Variants in BMPR2 observed in about 807,000 individuals in gnomAD.
BMPR2 encodes the protein bone morphogenetic protein receptor type 2, also known as bone morphogenetic protein receptor type-2.
In BMPR2, 29 loss-of-function variants were observed where a neutral mutation model predicts 100.8. The observed-to-expected ratio is 0.29, with a 90% CI of 0.21 to 0.39. The LOEUF is 0.39. Ranked by LOEUF, BMPR2 falls within the 10% of genes least tolerant of loss-of-function variation. The pLI is 1.00. For synonymous variants in BMPR2, 382 were observed against 442.3 expected (o/e 0.86, Z 1.71); for missense variants, 1,011 against 1,274.5 (o/e 0.79, Z 3.15).
chr2:202,464,950 C>T lies in BMPR2; in HGVS notation c.218C>T (p.Ser73Leu), dbSNP rs137852742. ...ACCTGCTATGGCCTTTGGGAGAAATCAAAAGGGGACATAAATCTTGTAAAA... is the reference window on the plus strand; with the variant it reads ...ACCTGCTATGGCCTTTGGGAGAAATTAAAAGGGGACATAAATCTTGTAAAA... ...GSTCYGLWEKSKGDINLVKQG... is the reference protein window; with the variant it reads ...GSTCYGLWEKLKGDINLVKQG... Residue 73 changes from serine (S) to leucine (L), a missense_variant, in exon 2 of 13, where the codon TCA becomes TTA. By Grantham distance (145) the Ser-to-Leu change is moderately radical (BLOSUM62 -2). Around this residue, in one of 6 missense-constraint regions of BMPR2, gnomAD observed 355 missense variants for 455.3 expected, o/e 0.78. Coordinates refer to ENST00000374580, the MANE Select transcript of BMPR2 (RefSeq NM_001204.7). The T allele has an allele frequency of 6.2e-7, 1 of 1,613,892 alleles. No individual in the cohort carries two copies. Among genetic ancestry groups the T allele is most frequent in the Non-Finnish European group, 8.5e-7 (1 of 1,180,028 alleles).
rs113687955 is a variant in BMPR2, at chr2:202,484,381, G to GA, written c.418+16700dup. Among the ~76,000 whole-genome samples the GA allele has an allele frequency of 4.2e-3, 594 of 140,954 alleles. 5 individuals carry two copies. Among genetic ancestry groups the GA allele is most frequent in the African/African-American group, 0.013 (498 of 39,014 alleles). The allele number at this position is 140,954 out of a possible 152,430, so 92.5% of individuals were successfully genotyped here. Reference sequence around the variant, plus strand: ...CTCCCTTCCTTCTTTCCTTCCTTCCGAAAAAAAATAAGGCCGGGCGCGGTG... The same window carrying GA: ...CTCCCTTCCTTCTTTCCTTCCTTCCGAAAAAAAAATAAGGCCGGGCGCGGTG... On this transcript the variant is annotated intron_variant, in intron 3 of 12. Transcript: ENST00000374580.
At chr2:202,504,678 C>CT (rs144161668) in intron 3 of BMPR2, among the ~76,000 whole-genome samples, 1,672 of 112,422 alleles carry the variant, frequency 0.015, 31 homozygotes, top group Middle Eastern at 0.037. Flanking sequence ...ATAGTAGATT[C>CT]TTTTTTTTTT....
chr2:202,550,730 G>A (rs1188261824), intron 10 of BMPR2, among the ~76,000 whole-genome samples: 1 of 152,068 alleles, frequency 6.6e-6, no homozygotes, highest in African/African-American at 2.4e-5. Flanking sequence ...TTAGGTCCAG[G>A]AGTTCAAGGC....
At chr2:202,498,567 T>C (rs538253358) in intron 3 of BMPR2, among the ~76,000 whole-genome samples, 1 of 152,208 alleles carries the variant, frequency 6.6e-6, no homozygotes, top group South Asian at 2.1e-4. Context: ...CCAGGGACCG[T>C]TGCGAGTTCT....
chr2:202,412,876 G>A (rs1691041425), intron 1 of BMPR2, among the ~76,000 whole-genome samples: 1 of 152,110 alleles, frequency 6.6e-6, no homozygotes, highest in African/African-American at 2.4e-5. Flanking sequence ...ATTAAGGCAG[G>A]AAGAGGAGAA....
chr2:202,387,427 T>C (rs1383946631), intron 1 of BMPR2, among the ~76,000 whole-genome samples: 1 of 152,220 alleles, frequency 6.6e-6, no homozygotes, highest in African/African-American at 2.4e-5. Flanking sequence ...AGTGGGACAC[T>C]TGGGAATCAA....
In BMPR2 at chr2:202,559,704, T is replaced by G. The variant is rs1435626440; in HGVS notation, c.2875T>G (p.Ser959Ala). 2 of 1,614,012 alleles carry G rather than the reference T, an allele frequency of 1.2e-6. No individual in the cohort carries two copies. The highest frequency in any genetic ancestry group is 4.5e-5 in the East Asian group (2 of 44,878). The change falls in exon 13 of 13, where the codon TCA becomes GCA. Residue 959 changes from serine (S) to alanine (A), a missense_variant. Transcript: ENST00000374580. ...LDGSSIQIGE[S>A]TQDGKSGSGE... is the part of the protein sequence containing the mutation. The stretch of plus-strand genomic sequence containing the variant: ...TGCACTTTTATTTTCAGTAGGTGAG[T>G]CAACACAAGATGGCAAATCAGGATC...
intron 10 of BMPR2, among the ~76,000 whole-genome samples, chr2:202,547,577 G>A (rs1688397275): frequency 6.6e-6 from 1 of 151,902 alleles, no homozygotes; most frequent in African/African-American, 2.4e-5. Flanking sequence ...GACGTCAGGA[G>A]TTCGAGACCA....
At chr2:202,488,137 G>A (rs1353380439) in intron 3 of BMPR2, among the ~76,000 whole-genome samples, 1 of 152,074 alleles carries the variant, frequency 6.6e-6, no homozygotes, top group Admixed American at 6.5e-5. Flanking sequence ...TCAAATATTG[G>A]CAATAAAGAG....
intron 3 of BMPR2, among the ~76,000 whole-genome samples, chr2:202,497,256 G>A (rs559688138): frequency 4.6e-5 from 7 of 152,282 alleles, no homozygotes; most frequent in East Asian, 1.9e-4. Context: ...GCTCCACGGC[G>A]CCCAGTCCCA....
At chr2:202,424,207 C>G (rs1334362692) in intron 1 of BMPR2, among the ~76,000 whole-genome samples, 1 of 151,698 alleles carries the variant, frequency 6.6e-6, no homozygotes, top group African/African-American at 2.4e-5. Context: ...CACCCTGTCT[C>G]TAATGAAAAT....
At chr2:202,557,464 A>AACACAC (rs138065331) in intron 12 of BMPR2, among the ~76,000 whole-genome samples, 5,054 of 125,372 alleles carry the variant, frequency 0.04, 114 homozygotes, top group Non-Finnish European at 0.046. Flanking sequence ...CTCTGTCTCA[A>AACACAC]ACACACACAC....
At position 202,556,118 on chromosome 2, in the gene BMPR2, C is replaced by G. The variant is rs201938348; in HGVS notation, c.2453C>G (p.Ser818Cys). ...GCAGGTAGAAACCACAGTGTTAACTCCCATGCTGCCACAACCCAATATGCC... is the reference window on the plus strand; with the variant it reads ...GCAGGTAGAAACCACAGTGTTAACTGCCATGCTGCCACAACCCAATATGCC... ...GVAGRNHSVNSHAATTQYANG... is the reference protein window; with the variant it reads ...GVAGRNHSVNCHAATTQYANG... Residue 818 changes from serine (S) to cysteine (C), a missense_variant, in exon 12 of 13, where the codon TCC becomes TGC. Ser to Cys is a moderately radical substitution (Grantham distance 112). Transcript: ENST00000374580. 1 of 1,614,102 alleles carries G rather than the reference C, an allele frequency of 6.2e-7. No individual in the cohort carries two copies. Among genetic ancestry groups the G allele is most frequent in the Admixed American group, 1.7e-5 (1 of 60,022 alleles).
intron 3 of BMPR2, among the ~76,000 whole-genome samples, chr2:202,487,914 T>C: frequency 6.6e-6 from 1 of 152,228 alleles, no homozygotes; most frequent in East Asian, 1.9e-4. Context: ...TTCGCTATTT[T>C]GGCCAGGCTG....
chr2:202,493,718 G>A (rs1692959853), intron 3 of BMPR2, among the ~76,000 whole-genome samples: 1 of 152,076 alleles, frequency 6.6e-6, no homozygotes, highest in African/African-American at 2.4e-5. Flanking sequence ...AGGAGGAGGG[G>A]CACTGAATGT....
chr2:202,458,454 ACTGAGACC>A (rs1456593002), intron 1 of BMPR2, among the ~76,000 whole-genome samples: 1 of 152,108 alleles, frequency 6.6e-6, no homozygotes, highest in African/African-American at 2.4e-5. Flanking sequence ...GGGCAATATT[ACTGAGACC>A]CTGTCTCAAA....
intron 7 of BMPR2, chr2:202,520,864 C>G (rs1687807543): frequency 6.5e-6 from 1 of 154,392 alleles, no homozygotes; most frequent in African/African-American, 2.4e-5. Context: ...AGAGGAAGGT[C>G]TATTATCAGA....
intron 3 of BMPR2, among the ~76,000 whole-genome samples, chr2:202,490,093 G>A (rs940241970): frequency 1.2e-4 from 19 of 152,182 alleles, no homozygotes; most frequent in African/African-American, 4.1e-4. Flanking sequence ...CTGCTCATAA[G>A]AAGTGCAAAC....
intron 1 of BMPR2, among the ~76,000 whole-genome samples, chr2:202,414,779 G>A (rs1271701230): frequency 2.6e-5 from 4 of 151,956 alleles, no homozygotes; most frequent in South Asian, 2.1e-4. Context: ...TCCCTCTGTC[G>A]CCCAGGCTGG....
Sources: gnomAD v4.1 joint callset for allele counts (sites outside exome capture counted in the v4.1 genomes callset) on GRCh38, gnomAD v4.1.1 for gene constraint, gnomAD v4.1.1 regional missense constraint, MANE v1.5 for transcripts, NCBI Gene and HGNC (gene_info 2026-07-23, HGNC 2026-07-21) for gene names.